The following PRKAR2B variants were observed in gnomAD, a reference collection of about 807,000 sequenced individuals.
The protein encoded by PRKAR2B is protein kinase cAMP-dependent type II regulatory subunit beta.
In PRKAR2B, 14 loss-of-function variants were observed where a neutral mutation model predicts 49.9. The ratio of observed to expected loss-of-function variants is 0.28; its 90% CI spans 0.19 to 0.44. PRKAR2B has a LOEUF of 0.44. Ranked by LOEUF, PRKAR2B falls within the 20% of genes least tolerant of loss-of-function variation. PRKAR2B has a pLI of 1.00. For synonymous variants in PRKAR2B, 196 were observed against 197.7 expected (o/e 0.99, Z 0.07); for missense variants, 393 against 537.9 (o/e 0.73, Z 2.67).
chr7:107,091,603 T>C (rs540223177), intron 2 of PRKAR2B: 1 of 152,350 alleles, frequency 6.6e-6, no homozygotes, highest in South Asian at 2.1e-4. Flanking sequence ...TCCCAGAGCA[T>C]GAACATTTCT....
At chr7:107,087,653 C>T (rs969515263) in intron 2 of PRKAR2B, among the ~76,000 whole-genome samples, 3 of 152,228 alleles carry the variant, frequency 2.0e-5, no homozygotes, top group East Asian at 1.9e-4. Context: ...CAGGCATTCT[C>T]TCTGTAATCC....
intron 1 of PRKAR2B, among the ~76,000 whole-genome samples, chr7:107,054,500 T>C (rs532907049): frequency 4.6e-5 from 7 of 152,362 alleles, no homozygotes; most frequent in Middle Eastern, 6.8e-3. Context: ...TCTCACTCTT[T>C]TCCCAAAGGT....
At chr7:107,068,517 T>A (rs983618057) in intron 1 of PRKAR2B, 1 of 152,126 alleles carries the variant, frequency 6.6e-6, no homozygotes, top group Non-Finnish European at 1.5e-5. Context: ...TGTAGTAAAA[T>A]ATATATAACA....
At chr7:107,045,380 T>C (rs1793669641) in intron 1 of PRKAR2B, among the ~76,000 whole-genome samples, 166 bp downstream of exon 1, 1 of 152,092 alleles carries the variant, frequency 6.6e-6, no homozygotes, top group Non-Finnish European at 1.5e-5. Context: ...CATTTCTGTC[T>C]CTCCCACTCG....
intron 1 of PRKAR2B, among the ~76,000 whole-genome samples, chr7:107,069,095 C>T (rs762287862): frequency 3.3e-5 from 5 of 152,172 alleles, no homozygotes; most frequent in Admixed American, 6.5e-5. Flanking sequence ...TCACCATGCC[C>T]GGCTAATTTT....
At chr7:107,103,447 A>T (rs1584430339) in intron 2 of PRKAR2B, among the ~76,000 whole-genome samples, 1 of 152,324 alleles carries the variant, frequency 6.6e-6, no homozygotes, top group South Asian at 2.1e-4. Flanking sequence ...AGAAAAGCAC[A>T]CACATACACA....
At chr7:107,128,942 A>G (rs1269195590) in intron 4 of PRKAR2B, 3 of 152,068 alleles carry the variant, frequency 2.0e-5, no homozygotes, top group Non-Finnish European at 4.4e-5. Context: ...TTCATCTCAG[A>G]TTATGCTTAG....
At chr7:107,053,470 A>G (rs1037224473) in intron 1 of PRKAR2B, among the ~76,000 whole-genome samples, 6 of 152,076 alleles carry the variant, frequency 3.9e-5, no homozygotes, top group Non-Finnish European at 8.8e-5. Context: ...CTAGTAATAT[A>G]TAAAGTAGCC....
chr7:107,140,754 T>C (rs1795777743), intron 4 of PRKAR2B, 93 bp from the exon 5 acceptor site: 1 of 851,392 alleles, frequency 1.2e-6, no homozygotes, highest in Non-Finnish European at 1.8e-6. Context: ...TTTCCATTTC[T>C]TTGGACTTGT....
At chr7:107,122,833 C>T (rs17425839) in intron 3 of PRKAR2B, among the ~76,000 whole-genome samples, 2 of 152,144 alleles carry the variant, frequency 1.3e-5, no homozygotes, top group African/African-American at 2.4e-5. Flanking sequence ...AGGCTTACAA[C>T]GTGGAAGATC....
At chr7:107,115,673 A>G (rs1294558169) in intron 2 of PRKAR2B, among the ~76,000 whole-genome samples, 2 of 152,102 alleles carry the variant, frequency 1.3e-5, no homozygotes, top group African/African-American at 4.8e-5. Context: ...AGAGGGAGAG[A>G]GAGAATAAGA....
intron 5 of PRKAR2B, 90 bp from the exon 6 acceptor site, chr7:107,146,218 T>C (rs1795889926): frequency 1.5e-6 from 2 of 1,332,936 alleles, no homozygotes; most frequent in African/African-American, 3.0e-5. Flanking sequence ...GGAAATAAGA[T>C]TTTTATTTCA....
intron 6 of PRKAR2B, among the ~76,000 whole-genome samples, chr7:107,148,443 T>G (rs1258588150): frequency 4.6e-5 from 7 of 152,226 alleles, no homozygotes; most frequent in Non-Finnish European, 8.8e-5. Flanking sequence ...CACGTACTAC[T>G]TAAGTTCCTA....
intron 1 of PRKAR2B, among the ~76,000 whole-genome samples, chr7:107,060,665 G>T (rs372536315): frequency 2.2e-5 from 3 of 133,892 alleles, no homozygotes; most frequent in South Asian, 2.6e-4. Context: ...TAATGTTCTG[G>T]CTACCAACCC....
chr7:107,110,276 A>G (rs955269425), intron 2 of PRKAR2B, among the ~76,000 whole-genome samples: 1 of 152,184 alleles, frequency 6.6e-6, no homozygotes, highest in African/African-American at 2.4e-5. Context: ...AGTTCCGGCA[A>G]GCCTCACCAC....
chr7:107,082,389 T>C (rs186781728), intron 2 of PRKAR2B, among the ~76,000 whole-genome samples: 39 of 152,300 alleles, frequency 2.6e-4, no homozygotes, highest in Non-Finnish European at 1.5e-5. Flanking sequence ...GCTCTGCTTT[T>C]CTTAAGTACA....
chr7:107,107,463 G>A (rs1162284348), intron 2 of PRKAR2B, among the ~76,000 whole-genome samples: 1 of 151,878 alleles, frequency 6.6e-6, no homozygotes, highest in East Asian at 1.9e-4. Flanking sequence ...TGCTTCAGTT[G>A]CCTAAAAAGC....
chr7:107,059,050 G>C (rs1793974192), intron 1 of PRKAR2B, among the ~76,000 whole-genome samples: 1 of 152,100 alleles, frequency 6.6e-6, no homozygotes, highest in Non-Finnish European at 1.5e-5. Flanking sequence ...CTTTGGGGGA[G>C]ACCAAGACGG....
intron 5 of PRKAR2B, among the ~76,000 whole-genome samples, chr7:107,141,200 T>G (rs1795785078): frequency 1.3e-5 from 2 of 152,224 alleles, no homozygotes; most frequent in Non-Finnish European, 1.5e-5. Context: ...TGTCAGTCAT[T>G]TAACATGAGC....
Sources: gnomAD v4.1 joint callset for allele counts (sites outside exome capture counted in the v4.1 genomes callset) on GRCh38, gnomAD v4.1.1 for gene constraint, MANE v1.5 for transcripts, NCBI Gene and HGNC (gene_info 2026-07-23, HGNC 2026-07-21) for gene names.